Variants in SAMMSON observed in about 807,000 individuals in gnomAD.
SAMMSON encodes the protein survival associated mitochondrial melanoma specific oncogenic non-coding RNA, also known as long intergenic non-protein coding RNA 1212.
chr3:70,155,439 G>C (rs1165363468), intron 4 of SAMMSON, among the ~76,000 whole-genome samples: 1 of 152,004 alleles, frequency 6.6e-6, no homozygotes, highest in African/African-American at 2.4e-5. Context: ...TTTTGCCTCT[G>C]TCACCCTAAT....
intron 6 of SAMMSON, among the ~76,000 whole-genome samples, chr3:70,276,079 T>C (rs1702022928): frequency 6.6e-6 from 1 of 152,130 alleles, no homozygotes; most frequent in Non-Finnish European, 1.5e-5. Flanking sequence ...CAAAATACAA[T>C]TATAATTAAG....
At chr3:70,290,212 T>C (rs1424668095) in intron 6 of SAMMSON, among the ~76,000 whole-genome samples, 2 of 152,200 alleles carry the variant, frequency 1.3e-5, no homozygotes, top group East Asian at 1.9e-4. Context: ...TGGTCTTTGA[T>C]GATGGTGATG....
At chr3:70,326,766 A>G (rs1417194013) in intron 7 of SAMMSON, among the ~76,000 whole-genome samples, 1 of 152,184 alleles carries the variant, frequency 6.6e-6, no homozygotes, top group Non-Finnish European at 1.5e-5. Flanking sequence ...TGGACATGAG[A>G]ATTACATGAT....
intron 7 of SAMMSON, among the ~76,000 whole-genome samples, chr3:70,324,192 TATCTATC>T (rs763403081): frequency 0.14 from 10,266 of 74,038 alleles, 684 homozygotes; most frequent in African/African-American, 0.26. Flanking sequence ...TCTATCTATC[TATCTATC>T]ATCTATCTAT....
chr3:70,266,888 T>A (rs1575610482), intron 6 of SAMMSON, among the ~76,000 whole-genome samples: 1 of 152,336 alleles, frequency 6.6e-6, no homozygotes, highest in East Asian at 1.9e-4. Flanking sequence ...GTCTGACACA[T>A]CCACTGCCTG....
chr3:70,424,430 T>G (rs529539868), intron 2 of SAMMSON, among the ~76,000 whole-genome samples: 2 of 152,156 alleles, frequency 1.3e-5, no homozygotes, highest in Admixed American at 1.3e-4. Flanking sequence ...TTTTTACACA[T>G]TTTTTCAAAT....
chr3:70,187,790 A>G (rs535175683), intron 4 of SAMMSON, among the ~76,000 whole-genome samples: 1 of 152,048 alleles, frequency 6.6e-6, no homozygotes, highest in Non-Finnish European at 1.5e-5. Flanking sequence ...AGACCACACA[A>G]TTCCCAGCCT....
chr3:70,212,581 C>T (rs1019441574), intron 4 of SAMMSON, among the ~76,000 whole-genome samples: 1 of 152,130 alleles, frequency 6.6e-6, no homozygotes, highest in African/African-American at 2.4e-5. Context: ...TTAATCTTCT[C>T]TGCCCTCACA....
chr3:70,237,931 G>A (rs572760769), intron 4 of SAMMSON, among the ~76,000 whole-genome samples: 27 of 135,986 alleles, frequency 2.0e-4, no homozygotes, highest in Middle Eastern at 8.4e-3. Flanking sequence ...TTAGAATTGA[G>A]GTGGATAATC....
chr3:70,294,157 A>G (rs1421804321), intron 7 of SAMMSON, among the ~76,000 whole-genome samples: 1 of 152,200 alleles, frequency 6.6e-6, no homozygotes, highest in East Asian at 1.9e-4. Context: ...ATACTACCCT[A>G]GCATTTAAAA....
At chr3:70,011,641 T>C (rs1393636409) in intron 1 of SAMMSON, among the ~76,000 whole-genome samples, 4 of 151,622 alleles carry the variant, frequency 2.6e-5, no homozygotes, top group Non-Finnish European at 5.9e-5. Context: ...TGAAGTCAAT[T>C]GGTTAAGAAG....
At chr3:70,132,575 A>T (rs1372126913) in intron 4 of SAMMSON, among the ~76,000 whole-genome samples, 1 of 151,992 alleles carries the variant, frequency 6.6e-6, no homozygotes, top group African/African-American at 2.4e-5. Context: ...AGGAAGCTAC[A>T]TTTTCCAGCC....
At chr3:70,296,400 G>A (rs112027470) in intron 7 of SAMMSON, among the ~76,000 whole-genome samples, 1 of 151,878 alleles carries the variant, frequency 6.6e-6, no homozygotes, top group Non-Finnish European at 1.5e-5. Context: ...CCAGAAAATG[G>A]ACCTAATTTT....
chr3:70,364,302 G>A (rs563031649), intron 9 of SAMMSON, among the ~76,000 whole-genome samples: 75 of 151,994 alleles, frequency 4.9e-4, no homozygotes, highest in Middle Eastern at 6.8e-3. Context: ...TCAAAACTGT[G>A]TGTGTATTTG....
intron 6 of SAMMSON, among the ~76,000 whole-genome samples, chr3:70,271,165 A>G (rs1701972858): frequency 1.3e-5 from 2 of 152,178 alleles, no homozygotes; most frequent in Admixed American, 6.5e-5. Flanking sequence ...AAGTATGCCA[A>G]AAACAGTAAT....
chr3:70,294,018 G>T (rs981043152), intron 7 of SAMMSON, among the ~76,000 whole-genome samples: 1 of 152,078 alleles, frequency 6.6e-6, no homozygotes, highest in Admixed American at 6.6e-5. Flanking sequence ...CAACAGCTGG[G>T]TGTATTTTAA....
At chr3:70,064,666 A>G (rs2067202541) in intron 3 of SAMMSON, among the ~76,000 whole-genome samples, 1 of 152,134 alleles carries the variant, frequency 6.6e-6, no homozygotes, top group African/African-American at 2.4e-5. Context: ...AAGGGAAGAA[A>G]GCTGTTAGAG....
chr3:70,335,466 T>A (rs898035293), intron 7 of SAMMSON, among the ~76,000 whole-genome samples: 6 of 152,036 alleles, frequency 3.9e-5, no homozygotes, highest in Admixed American at 6.6e-5. Flanking sequence ...AAGTTTTTTT[T>A]ATAATACCAT....
In SAMMSON at chr3:70,284,663, C is replaced by T. The variant is rs892899349; in HGVS notation, n.675-6516C>T. On this transcript the variant is annotated intron_variant and non_coding_transcript_variant, in intron 6 of 9. Transcript: ENST00000642114. ...CACAGGAACAGAAAACTAAACACTG[C>T]ATGTTCTCACTTATAAGTGGGAGCT... Among the ~76,000 whole-genome samples, 8 of 152,270 alleles carry T rather than the reference C, an allele frequency of 5.3e-5. No homozygotes were observed. The South Asian group carries it at 1.7e-3, about 32-fold the overall frequency.
Sources: allele counts gnomAD v4.1 joint callset (sites outside exome capture counted in the v4.1 genomes callset), GRCh38; gene constraint gnomAD v4.1.1; transcripts MANE v1.5; gene names NCBI Gene and HGNC (gene_info 2026-07-23, HGNC 2026-07-21).